The following VEPH1 variants were observed in gnomAD, a reference collection of about 807,000 sequenced individuals.
The protein encoded by VEPH1 is ventricular zone expressed PH domain containing 1.
VEPH1 carries 80 observed loss-of-function variants against 85.2 expected under a neutral mutation model. The observed-to-expected ratio is 0.94, with a 90% confidence interval of 0.78 to 1.13. VEPH1 has a LOEUF of 1.13. Among genes scored for constraint, VEPH1 ranks in the 50% most tolerant of loss-of-function variants. The pLI is 0.00. For missense variants in VEPH1, 955 were observed against 980.5 expected, an observed-to-expected ratio of 0.97 and a Z score of 0.35; for synonymous variants, 297 against 348.0, an observed-to-expected ratio of 0.85 and a Z score of 1.63.
intron 9 of VEPH1, among the ~76,000 whole-genome samples, chr3:157,322,539 T>A (rs1320198063): frequency 2.6e-5 from 4 of 152,178 alleles, no homozygotes; most frequent in African/African-American, 9.7e-5. Context: ...AAATTTCGTA[T>A]TAGAAATGAA....
In VEPH1 at chr3:157,428,497, G is replaced by A. The variant is rs79035469; in HGVS notation, c.530-9C>T. On this transcript the variant is annotated splice_polypyrimidine_tract_variant and intron_variant, in intron 4 of 13. Coordinates refer to ENST00000362010, the MANE Select transcript of VEPH1 (RefSeq NM_001167912.2). The stretch of plus-strand genomic sequence containing the variant: ...CAACAACATGGTGTTACCTGTTGAG[G>A]GAACAATAAAGGGAATGATGACTTT... 1,481 of 1,612,028 alleles carry A rather than the reference G, an allele frequency of 9.2e-4. 8 individuals carry two copies. In the African/African-American group the frequency reaches 0.015, roughly 17 times the overall value.
chr3:157,376,456 C>T (rs958952294), intron 7 of VEPH1, among the ~76,000 whole-genome samples: 4 of 152,168 alleles, frequency 2.6e-5, no homozygotes, highest in South Asian at 2.1e-4. Context: ...AGGACTTGCA[C>T]GGTATTGAAA....
chr3:157,445,190 T>C (rs1166447748), intron 4 of VEPH1, among the ~76,000 whole-genome samples: 2 of 152,238 alleles, frequency 1.3e-5, no homozygotes, highest in Admixed American at 1.3e-4. Context: ...TCCTGGTCAT[T>C]GTGAAGCCAT....
intron 2 of VEPH1, among the ~76,000 whole-genome samples, chr3:157,474,577 GA>G (rs1201743443): frequency 1.3e-5 from 2 of 152,128 alleles, no homozygotes; most frequent in Non-Finnish European, 2.9e-5. Flanking sequence ...CTAGTACATA[GA>G]GTATACAGAA....
chr3:157,404,005 C>A (rs1690825804), intron 6 of VEPH1, among the ~76,000 whole-genome samples: 1 of 152,136 alleles, frequency 6.6e-6, no homozygotes. Flanking sequence ...GGTCCGGACA[C>A]TTTGGGGACC....
chr3:157,325,652 G>A (rs1721819430), intron 9 of VEPH1, among the ~76,000 whole-genome samples: 1 of 152,054 alleles, frequency 6.6e-6, no homozygotes, highest in African/African-American at 2.4e-5. Context: ...ATGGTTATAG[G>A]TGTGCAGTCT....
rs755577918 is a variant in VEPH1, at chr3:157,364,513, C to G, written c.1128-1G>C. 6.2e-7 allele frequency: 1 copy of G among 1,612,930 alleles called. No individual in the cohort carries two copies. The highest frequency in any genetic ancestry group is 8.5e-7 in the Non-Finnish European group (1 of 1,179,460). On this transcript the variant is annotated splice_acceptor_variant, in intron 7 of 13. Coordinates refer to ENST00000362010, the MANE Select transcript of VEPH1 (RefSeq NM_001167912.2). LOFTEE classifies it high-confidence loss of function. ...TTCAATTTCAGTGCTGATTTTTCTCCTAAAGGAATATAAATCATTGCATTA... is the reference window on the plus strand; with the variant it reads ...TTCAATTTCAGTGCTGATTTTTCTCGTAAAGGAATATAAATCATTGCATTA...
intron 2 of VEPH1, among the ~76,000 whole-genome samples, chr3:157,494,942 A>G (rs954237313): frequency 1.3e-5 from 2 of 151,956 alleles, no homozygotes; most frequent in African/African-American, 4.8e-5. Context: ...CCTAAATAAT[A>G]TTTTTGTGAG....
At chr3:157,324,995 A>G (rs1196424553) in intron 9 of VEPH1, among the ~76,000 whole-genome samples, 1 of 152,032 alleles carries the variant, frequency 6.6e-6, no homozygotes, top group East Asian at 1.9e-4. Context: ...CCTCATCAGG[A>G]TCTGTTGTTT....
chr3:157,401,740 T>C lies in VEPH1; in HGVS notation c.906+12141A>G, dbSNP rs1357680436. Among the ~76,000 whole-genome samples, 3 of 152,036 alleles carry C rather than the reference T, an allele frequency of 2.0e-5. No homozygotes were observed. In the East Asian group the frequency reaches 5.8e-4, roughly 29 times the overall value. The stretch of plus-strand genomic sequence containing the variant: ...TCAAGGATTTTTCCTTAATTTTTTT[T>C]TTTTTTGGTTTCGCAGCAACTGTGA... On this transcript the variant is annotated intron_variant, in intron 6 of 13. Coordinates refer to ENST00000362010, the MANE Select transcript of VEPH1 (RefSeq NM_001167912.2).
chr3:157,497,041 A>G (rs1262820068), intron 1 of VEPH1, among the ~76,000 whole-genome samples: 2 of 152,152 alleles, frequency 1.3e-5, no homozygotes, highest in African/African-American at 4.8e-5. Flanking sequence ...TAGTTAAATA[A>G]CTGCTAAAGC....
chr3:157,279,397 A>G (rs1376556330), intron 12 of VEPH1, among the ~76,000 whole-genome samples: 1 of 152,234 alleles, frequency 6.6e-6, no homozygotes, highest in Admixed American at 6.5e-5. Flanking sequence ...TAATGACTAC[A>G]GAGAGAGATG....
intron 1 of VEPH1, among the ~76,000 whole-genome samples, chr3:157,502,565 A>C (rs1740198613): frequency 6.6e-6 from 1 of 152,200 alleles, no homozygotes. Flanking sequence ...ACTACATGGA[A>C]AACTCAATGT....
At chr3:157,436,759 C>A in intron 4 of VEPH1, 8 of 353,354 alleles carry the variant, frequency 2.3e-5, no homozygotes, top group South Asian at 6.1e-5. Context: ...TTCAGGGGAA[C>A]TCCCGTTACC....
chr3:157,414,143 T>A, intron 5 of VEPH1, 53 bp from the exon 6 acceptor site: 2 of 1,401,466 alleles, frequency 1.4e-6, no homozygotes, highest in Non-Finnish European at 2.0e-6. Context: ...AAGAGAAAAG[T>A]TAATTAAATT....
At chr3:157,268,698 C>T (rs1281458612) in intron 12 of VEPH1, among the ~76,000 whole-genome samples, 6 of 152,108 alleles carry the variant, frequency 3.9e-5, no homozygotes, top group Non-Finnish European at 8.8e-5. Flanking sequence ...CAAGGCACTG[C>T]TTCTCCCTCA....
At chr3:157,434,030 A>G (rs1468807316) in intron 4 of VEPH1, among the ~76,000 whole-genome samples, 1 of 151,866 alleles carries the variant, frequency 6.6e-6, no homozygotes, top group East Asian at 1.9e-4. Flanking sequence ...AATTCTGTCA[A>G]CCTTTGGTTT....
At position 157,470,418 on chromosome 3, in the gene VEPH1, C is replaced by A; in HGVS notation, c.250G>T (p.Gly84Trp). ...TGTTCCAAGCAGGAGTCCCAGAGCC[C>A]CACAAGGGCCTTTGCATGCTTTTCA... ...SIEKHAKALV[G>W]LWDSCLEHNL... Residue 84 changes from glycine (G) to tryptophan (W), a missense_variant, in exon 3 of 14, where the codon GGG (glycine) becomes TGG (tryptophan). By Grantham distance (184) the Gly-to-Trp change is radical. Coordinates refer to ENST00000362010, the MANE Select transcript of VEPH1 (RefSeq NM_001167912.2). 1 of 1,614,146 alleles carries A rather than the reference C, an allele frequency of 6.2e-7. No homozygotes were observed. Among genetic ancestry groups the A allele is most frequent in the Non-Finnish European group, 8.5e-7 (1 of 1,180,040 alleles).
chr3:157,307,744 T>A (rs1271285012), intron 11 of VEPH1, among the ~76,000 whole-genome samples: 1 of 152,050 alleles, frequency 6.6e-6, no homozygotes, highest in Non-Finnish European at 1.5e-5. Flanking sequence ...AAGTCTGTTG[T>A]CATTAGGATT....
Sources: allele counts gnomAD v4.1 joint callset (sites outside exome capture counted in the v4.1 genomes callset), GRCh38; gene constraint gnomAD v4.1.1; transcripts MANE v1.5; gene names NCBI Gene and HGNC (gene_info 2026-07-23, HGNC 2026-07-21).